The following CDYL2 variants were observed in gnomAD, a reference collection of about 807,000 sequenced individuals.
The protein encoded by CDYL2 is chromodomain Y-like protein 2.
A neutral mutation model predicts 49.4 loss-of-function variants in CDYL2; 23 were observed. That is an observed-to-expected ratio of 0.47 (90% CI 0.34 to 0.66). CDYL2 has a LOEUF of 0.66. Ranked by LOEUF, CDYL2 falls within the 30% of genes least tolerant of loss-of-function variation. The pLI is 0.01. For synonymous variants in CDYL2, 360 were observed against 268.8 expected (o/e 1.34, Z -3.32); for missense variants, 678 against 656.4 (o/e 1.03, Z -0.36).
intron 6 of CDYL2, 46 bp from the exon 7 acceptor site, chr16:80,604,592 T>G: frequency 3.1e-6 from 5 of 1,606,764 alleles, no homozygotes; most frequent in Non-Finnish European, 4.3e-6. Context: ...CCAGGGACTC[T>G]GCTCCAGAAC....
intron 1 of CDYL2, among the ~76,000 whole-genome samples, chr16:80,744,370 C>T (rs1905853588): frequency 6.6e-6 from 1 of 152,156 alleles, no homozygotes; most frequent in African/African-American, 2.4e-5. Context: ...TTTCTTTCCC[C>T]TTCACACATT....
chr16:80,716,402 G>C (rs1188557921), intron 1 of CDYL2, among the ~76,000 whole-genome samples: 1 of 152,214 alleles, frequency 6.6e-6, no homozygotes, highest in Non-Finnish European at 1.5e-5. Context: ...GAATGAGTGG[G>C]TGGGTGGATG....
chr16:80,629,111 G>C (rs907317749), intron 3 of CDYL2, among the ~76,000 whole-genome samples: 1 of 152,218 alleles, frequency 6.6e-6, no homozygotes, highest in African/African-American at 2.4e-5. Flanking sequence ...GCACCACGCT[G>C]AGGGTTCTGA....
At chr16:80,652,450 A>G (rs759937923) in intron 2 of CDYL2, among the ~76,000 whole-genome samples, 2 of 152,240 alleles carry the variant, frequency 1.3e-5, no homozygotes, top group African/African-American at 2.4e-5. Context: ...TAAATAAATG[A>G]TTGAATAAAT....
chr16:80,804,601 G>A (rs1370097645), upstream of CDYL2, among the ~76,000 whole-genome samples: 1 of 144,252 alleles, frequency 6.9e-6, no homozygotes, highest in Admixed American at 6.8e-5. Flanking sequence ...CTGCCACTGG[G>A]CGAGTCCCCG....
At chr16:80,779,022 A>G (rs112411227) in intron 1 of CDYL2, among the ~76,000 whole-genome samples, 9 of 152,180 alleles carry the variant, frequency 5.9e-5, no homozygotes, top group African/African-American at 2.2e-4. Context: ...TATGCCATAA[A>G]AGACTAAGAA....
Position 80,612,952 on chromosome 16 carries a change from G to A in CDYL2, c.1008-116C>T, listed in dbSNP as rs1597123000. 1.1e-6 allele frequency: 1 copy of A among 938,628 alleles called. No homozygotes were observed. Among genetic ancestry groups the A allele is most frequent in the Non-Finnish European group, 1.6e-6 (1 of 644,558 alleles). The allele number at this position is 938,628 out of a possible 1,614,324, so 58.1% of individuals were successfully genotyped here. A position where few individuals can be genotyped will look rare whatever the true frequency, so the allele number is the denominator to read the frequency against. ...ACCCTCAGGTCGTCAGAGGTTAGAG[G>A]TGCCAGGCAAGGGCCTCATTGCCTG... On this transcript the variant is annotated intron_variant, in intron 4 of 6. Transcript: ENST00000570137. This position sits in a 1 kb window ranked among gnomAD's most constrained non-coding sequence, Gnocchi z 5.0.
intron 2 of CDYL2, among the ~76,000 whole-genome samples, chr16:80,680,553 C>G (rs1909929252): frequency 1.3e-5 from 2 of 152,156 alleles, no homozygotes; most frequent in African/African-American, 4.8e-5. Flanking sequence ...AGAACCACAG[C>G]AAGGGTTAGC....
chr16:80,685,684 T>C (rs1007041485), intron 1 of CDYL2, among the ~76,000 whole-genome samples: 1 of 152,222 alleles, frequency 6.6e-6, no homozygotes, highest in Non-Finnish European at 1.5e-5. Flanking sequence ...TCTCATTTTC[T>C]CGTGGACAAA....
intron 1 of CDYL2, among the ~76,000 whole-genome samples, chr16:80,777,413 G>A (rs974711389): frequency 6.6e-6 from 1 of 151,362 alleles, no homozygotes; most frequent in Non-Finnish European, 1.5e-5. Flanking sequence ...ACTGCAATGG[G>A]AAAATAAAGC....
intron 2 of CDYL2, among the ~76,000 whole-genome samples, chr16:80,648,366 T>C (rs1015263168): frequency 1.2e-4 from 19 of 152,132 alleles, no homozygotes; most frequent in Non-Finnish European, 2.5e-4. Flanking sequence ...GTGGCTACTA[T>C]GAGCAATTAT....
chr16:80,677,448 G>C lies in CDYL2; in HGVS notation c.616+7090C>G, dbSNP rs144314337. Among the ~76,000 whole-genome samples, 508 of 152,230 alleles carry C rather than the reference G, an allele frequency of 3.3e-3. 1 individual carries two copies. Among genetic ancestry groups the C allele is most frequent in the African/African-American group, 0.012 (490 of 41,560 alleles). ...ACCATACCCATCTATCAATAAACAA[G>C]GAGGTGTCGGCCAGGCGCAGTGGCG... On this transcript the variant is annotated intron_variant, in intron 2 of 6. Transcript: ENST00000570137.
chr16:80,630,499 G>C (rs1907512136), intron 3 of CDYL2, among the ~76,000 whole-genome samples: 1 of 152,208 alleles, frequency 6.6e-6, no homozygotes, highest in Non-Finnish European at 1.5e-5. Context: ...CTCTGCAGAT[G>C]TCATGATGAG....
intron 1 of CDYL2, among the ~76,000 whole-genome samples, chr16:80,695,832 C>G (rs1190911776): frequency 1.3e-5 from 2 of 152,112 alleles, no homozygotes; most frequent in Non-Finnish European, 2.9e-5. Context: ...CCACTCTCAG[C>G]ACGAGACAGA....
chr16:80,633,228 G>T lies in CDYL2; in HGVS notation c.625C>A (p.Leu209Met). The change falls in exon 3 of 7, where the codon CTG becomes ATG. Residue 209 changes from leucine (L) to methionine (M), a missense_variant. Leu to Met is a conservative substitution (Grantham distance 15). This residue lies in a region of CDYL2 where 478 missense variants were observed against 427.0 expected (regional missense o/e 1.12). Coordinates refer to ENST00000570137, the MANE Select transcript of CDYL2 (RefSeq NM_152342.4). ...TLAENGLGSA[L>M]TNGGLNLHSP... The stretch of plus-strand genomic sequence containing the variant: ...TGCAGGTTCAATCCCCCGTTGGTCA[G>T]AGCAGAGCCTTCCAAAACCAGATAA... 1 of 1,612,528 alleles carries T rather than the reference G, an allele frequency of 6.2e-7. No homozygotes were observed. Among genetic ancestry groups the T allele is most frequent in the South Asian group, 1.1e-5 (1 of 91,038 alleles).
intron 1 of CDYL2, among the ~76,000 whole-genome samples, chr16:80,712,572 C>G (rs1904656259): frequency 1.3e-5 from 2 of 152,038 alleles, no homozygotes; most frequent in African/African-American, 4.8e-5. Context: ...CTCCTTCCAC[C>G]GTGTGGGAGA....
intron 1 of CDYL2, among the ~76,000 whole-genome samples, chr16:80,721,299 T>C (rs1904990538): frequency 6.6e-6 from 1 of 152,238 alleles, no homozygotes. Flanking sequence ...CATTCCCATT[T>C]GATACCTAAG....
chr16:80,601,790 C>T lies in CDYL2; in HGVS notation c.*2598G>A, dbSNP rs960233352. The T allele has an allele frequency of 1.3e-5, 2 of 152,200 alleles. No individual in the cohort carries two copies. The highest frequency in any genetic ancestry group is 1.3e-4 in the Admixed American group (2 of 15,282). 9.4% of individuals were successfully genotyped at this position (152,200 alleles called of 1,614,324 possible). On this transcript the variant is annotated 3_prime_UTR_variant, in exon 7 of 7. Coordinates refer to ENST00000570137, the MANE Select transcript of CDYL2 (RefSeq NM_152342.4). The stretch of plus-strand genomic sequence containing the variant: ...GAAACAACCAAAATACAGACTTTCA[C>T]CACCCCCGTTACACCCAGGACCTGT...
At chr16:80,729,797 T>C (rs1160043682) in intron 1 of CDYL2, among the ~76,000 whole-genome samples, 2 of 151,902 alleles carry the variant, frequency 1.3e-5, no homozygotes, top group Non-Finnish European at 2.9e-5. Flanking sequence ...ATTAAGAAAC[T>C]CACTCAAAAC....
Sources: gnomAD v4.1 joint callset for allele counts (sites outside exome capture counted in the v4.1 genomes callset) on GRCh38, gnomAD v4.1.1 for gene constraint, gnomAD v4.1.1 regional missense constraint, Gnocchi (gnomAD v3.1) non-coding constraint, MANE v1.5 for transcripts, NCBI Gene and HGNC (gene_info 2026-07-23, HGNC 2026-07-21) for gene names.